Variants in TBC1D22A observed in about 807,000 individuals in gnomAD.
The protein encoded by TBC1D22A is putative GTPase activator.
TBC1D22A carries 38 observed loss-of-function variants against 60.2 expected under a neutral mutation model. The observed-to-expected ratio is 0.63, with a 90% CI of 0.49 to 0.83. The LOEUF is 0.83. Among genes scored for constraint, TBC1D22A ranks in the 40% least tolerant of loss-of-function variants. TBC1D22A has a pLI of 0.00. For missense variants in TBC1D22A, 628 were observed against 701.0 expected (o/e 0.90, Z 1.18); for synonymous variants, 302 against 281.7 (o/e 1.07, Z -0.72).
intron 4 of TBC1D22A, among the ~76,000 whole-genome samples, chr22:46,827,863 GTC>G (rs1369502926): frequency 6.6e-6 from 1 of 152,212 alleles, no homozygotes; most frequent in Non-Finnish European, 1.5e-5. Flanking sequence ...CGCAGGGACT[GTC>G]TGTCTCAACC....
At chr22:47,006,694 C>A (rs2061603807) in intron 10 of TBC1D22A, among the ~76,000 whole-genome samples, 1 of 152,208 alleles carries the variant, frequency 6.6e-6, no homozygotes, top group Non-Finnish European at 1.5e-5. Context: ...GCACCCCAGA[C>A]CCTCCAGTCC....
At chr22:47,018,456 A>C (rs1021174379) in intron 10 of TBC1D22A, among the ~76,000 whole-genome samples, 1 of 152,148 alleles carries the variant, frequency 6.6e-6, no homozygotes, top group African/African-American at 2.4e-5. Flanking sequence ...ACTGCTTTTA[A>C]TTTAAGCCTC....
chr22:46,971,172 A>G lies in TBC1D22A; in HGVS notation c.1016-3118A>G, dbSNP rs938322450. ...AGTAACAAATGGCCCATTGTGAGAA[A>G]TGACACCTAGAATAGGCCACTGACA... is the stretch of plus-strand genomic sequence containing the variant. On this transcript the variant is annotated intron_variant, in intron 8 of 12. Transcript: ENST00000337137. 3.9e-5 allele frequency among the ~76,000 whole-genome samples: 6 copies of G among 152,342 alleles called. No homozygotes were observed. In the East Asian group the frequency reaches 1.2e-3, roughly 29 times the overall value.
intron 8 of TBC1D22A, among the ~76,000 whole-genome samples, chr22:46,943,178 C>T (rs557352578): frequency 7.2e-5 from 11 of 151,988 alleles, no homozygotes; most frequent in South Asian, 4.2e-4. Flanking sequence ...GGGAGCTGCC[C>T]GCCTCACTTT....
intron 7 of TBC1D22A, among the ~76,000 whole-genome samples, chr22:46,904,147 C>CTACT (rs1316164913): frequency 2.2e-5 from 2 of 90,742 alleles, no homozygotes; most frequent in Non-Finnish European, 4.6e-5. Context: ...ATCTATCTAC[C>CTACT]TACCTACCTA....
At chr22:47,022,135 C>T (rs987559311) in intron 10 of TBC1D22A, among the ~76,000 whole-genome samples, 15 of 152,164 alleles carry the variant, frequency 9.9e-5, no homozygotes, top group South Asian at 4.1e-4. Flanking sequence ...TTCCTGTTTC[C>T]GGTCAACATT....
At chr22:46,878,351 A>AGGTGGGAG (rs1602276999) in intron 4 of TBC1D22A, among the ~76,000 whole-genome samples, 13 of 25,612 alleles carry the variant, frequency 5.1e-4, no homozygotes, top group African/African-American at 8.3e-4. Context: ...GGAGGGAAGG[A>AGGTGGGAG]GGCCAGTGTA....
At chr22:46,963,747 G>GC (rs1313073260) in intron 8 of TBC1D22A, among the ~76,000 whole-genome samples, 3 of 152,222 alleles carry the variant, frequency 2.0e-5, no homozygotes, top group Non-Finnish European at 4.4e-5. Context: ...CTGGGGCCGT[G>GC]CACCTCCCCT....
intron 8 of TBC1D22A, chr22:46,915,975 G>A (rs1185662027): frequency 2.2e-6 from 1 of 453,244 alleles, no homozygotes; most frequent in South Asian, 1.6e-5. Flanking sequence ...AGGATGTGGT[G>A]GGCTTCAGAT....
At chr22:47,052,302 C>A (rs1245424786) in intron 11 of TBC1D22A, among the ~76,000 whole-genome samples, 3 of 152,216 alleles carry the variant, frequency 2.0e-5, no homozygotes, top group African/African-American at 7.2e-5. Flanking sequence ...ATGAGGGTGC[C>A]CATCGGCCAT....
intron 4 of TBC1D22A, among the ~76,000 whole-genome samples, chr22:46,821,462 A>C (rs904010756): frequency 6.6e-6 from 1 of 152,122 alleles, no homozygotes; most frequent in African/African-American, 2.4e-5. Context: ...AAAATCCCTC[A>C]GCATTTGCTT....
At chr22:47,022,266 GA>G (rs985762166) in intron 10 of TBC1D22A, among the ~76,000 whole-genome samples, 43 of 152,238 alleles carry the variant, frequency 2.8e-4, no homozygotes, top group African/African-American at 9.9e-4. Context: ...CTGAAAGCTG[GA>G]AAAAAATATG....
chr22:47,044,168 C>T (rs900728698), intron 11 of TBC1D22A, among the ~76,000 whole-genome samples: 2 of 152,208 alleles, frequency 1.3e-5, no homozygotes, highest in African/African-American at 4.8e-5. Context: ...CCTGCCCTTC[C>T]CTGCACCCTT....
At chr22:46,949,086 C>T (rs2147994908) in intron 8 of TBC1D22A, among the ~76,000 whole-genome samples, 1 of 152,256 alleles carries the variant, frequency 6.6e-6, no homozygotes, top group South Asian at 2.1e-4. Flanking sequence ...CAGTCTGACC[C>T]AATGAGGGAG....
chr22:47,006,894 A>G (rs934998013), intron 10 of TBC1D22A, among the ~76,000 whole-genome samples: 3 of 152,188 alleles, frequency 2.0e-5, no homozygotes, highest in African/African-American at 7.2e-5. Flanking sequence ...GGTAGGAGGA[A>G]GTATTGCTGG....
intron 11 of TBC1D22A, among the ~76,000 whole-genome samples, chr22:47,076,486 C>T (rs1314149494): frequency 2.0e-5 from 3 of 151,210 alleles, no homozygotes; most frequent in Non-Finnish European, 4.4e-5. Context: ...AATACCAAAT[C>T]CCCTGCATTT....
intron 7 of TBC1D22A, among the ~76,000 whole-genome samples, chr22:46,903,368 A>C (rs972718280): frequency 6.6e-6 from 1 of 152,198 alleles, no homozygotes; most frequent in Admixed American, 6.5e-5. Context: ...GCATGGAGCC[A>C]GCCTGTTTGC....
chr22:46,893,604 G>T (rs6009026), intron 6 of TBC1D22A, among the ~76,000 whole-genome samples: 2,102 of 152,324 alleles, frequency 0.014, 65 homozygotes, highest in African/African-American at 0.048. Context: ...GGACAGATGT[G>T]TGTCCACACG....
At chr22:47,113,885 G>A (rs912092191) in intron 12 of TBC1D22A, among the ~76,000 whole-genome samples, 4 of 152,196 alleles carry the variant, frequency 2.6e-5, no homozygotes, top group Admixed American at 2.6e-4. Context: ...AGGTCTGGGG[G>A]AGGTGGGTCA....
Sources: gnomAD v4.1 joint callset for allele counts (sites outside exome capture counted in the v4.1 genomes callset) on GRCh38, gnomAD v4.1.1 for gene constraint, MANE v1.5 for transcripts, NCBI Gene and HGNC (gene_info 2026-07-23, HGNC 2026-07-21) for gene names.